The following KIAA2012 variants were observed in gnomAD, a reference collection of about 807,000 sequenced individuals.
KIAA2012 encodes the protein uncharacterized protein KIAA2012.
In KIAA2012, 125 loss-of-function variants were observed where a neutral mutation model predicts 150.6. The observed-to-expected ratio is 0.83, with a 90% CI of 0.72 to 0.96. KIAA2012 has a LOEUF of 0.96. Ranked by LOEUF, KIAA2012 falls within the 40% of genes least tolerant of loss-of-function variation. The pLI is 0.00. For missense variants in KIAA2012, 1,219 were observed against 1,354.9 expected (o/e 0.90, Z 1.57); for synonymous variants, 462 against 504.7 (o/e 0.92, Z 1.13).
intron 12 of KIAA2012, among the ~76,000 whole-genome samples, chr2:202,130,468 G>A (rs1035405533): frequency 3.9e-5 from 4 of 102,152 alleles, no homozygotes; most frequent in Non-Finnish European, 2.2e-5. Flanking sequence ...TTGTGTGTGA[G>A]TTATATTTCT....
At chr2:202,123,536 G>A (rs780488232) in intron 11 of KIAA2012, among the ~76,000 whole-genome samples, 12 of 152,138 alleles carry the variant, frequency 7.9e-5, no homozygotes, top group East Asian at 5.8e-4. Context: ...CTATCGGTGC[G>A]CACGTGACCG....
chr2:202,093,295 A>C (rs1321845226), intron 4 of KIAA2012, 110 bp downstream of exon 4: 1 of 1,132,308 alleles, frequency 8.8e-7, no homozygotes, highest in African/African-American at 1.5e-5. Context: ...TGGGTTGCAT[A>C]GTCCTCAATC....
At position 202,154,797 on chromosome 2, in the gene KIAA2012, C is replaced by T. The variant is rs1415785398; in HGVS notation, c.2033C>T (p.Thr678Met). The change falls in exon 14 of 24, where the codon ACG becomes ATG. Residue 678 changes from threonine (T) to methionine (M), a missense_variant. By Grantham distance (81) the Thr-to-Met change is moderately conservative (BLOSUM62 -1). Coordinates refer to ENST00000498697, the MANE Select transcript of KIAA2012 (RefSeq NM_001277372.4). ...ACGCGCAAGCTGCACATCGACATGA[C>T]GCCGTTCCTGAAGGTGATCTCACAC... ...FYTRKLHIDMTPFLKESGNAL... is the reference protein window; with the variant it reads ...FYTRKLHIDMMPFLKESGNAL... 1.6e-5 allele frequency: 24 copies of T among 1,546,414 alleles called. No individual in the cohort carries two copies. Among genetic ancestry groups the T allele is most frequent in the Non-Finnish European group, 2.0e-5 (23 of 1,145,980 alleles).
In KIAA2012 at chr2:202,203,468, T is replaced by C. The variant is rs1692568694; in HGVS notation, c.*20+881T>C. Reference sequence around the variant, plus strand: ...AGGCCATTCTCACATCCTCGAAGTATAGATTCTAGAGCTGCACTGCTGAGT... The same window carrying C: ...AGGCCATTCTCACATCCTCGAAGTACAGATTCTAGAGCTGCACTGCTGAGT... On this transcript the variant is annotated intron_variant, in intron 23 of 23. Transcript: ENST00000498697. 2.6e-5 allele frequency among the ~76,000 whole-genome samples: 4 copies of C among 152,344 alleles called. 1 individual carries two copies. In the South Asian group the frequency reaches 8.3e-4, roughly 32 times the overall value.
chr2:202,172,323 G>A (rs1455715816), intron 15 of KIAA2012, among the ~76,000 whole-genome samples: 1 of 152,222 alleles, frequency 6.6e-6, no homozygotes, highest in Non-Finnish European at 1.5e-5. Flanking sequence ...ATGAACCCAG[G>A]TTTCTATGAC....
intron 21 of KIAA2012, 100 bp from the exon 22 acceptor site, chr2:202,196,700 A>T (rs2105752831): frequency 1.4e-6 from 2 of 1,459,304 alleles, no homozygotes; most frequent in African/African-American, 1.4e-5. Flanking sequence ...AAAATTTCTC[A>T]CGGGGAGTCC....
chr2:202,196,119 T>G (rs1285969791), intron 21 of KIAA2012, among the ~76,000 whole-genome samples: 1 of 151,630 alleles, frequency 6.6e-6, no homozygotes, highest in Admixed American at 6.6e-5. Context: ...CTGTGGCTAC[T>G]TCCTGGTTCT....
rs2105742019 is a variant in KIAA2012 at position 202,184,786 on chromosome 2, C to T, written c.2153C>T (p.Pro718Leu). 1 of 1,549,038 alleles carries T rather than the reference C, an allele frequency of 6.5e-7. No individual in the cohort carries two copies. The highest frequency in any genetic ancestry group is 2.5e-5 in the East Asian group (1 of 40,764). The change falls in exon 16 of 24, where the codon CCC becomes CTC. Residue 718 changes from proline to leucine, a missense_variant. Physicochemically the swap from Pro to Leu is moderately conservative, Grantham distance 98. Transcript: ENST00000498697. ...PEPRSMTLDS[P>L]RASRTEHIQT... ...CCAAGGAGTATGACCCTTGACTCTCCCAGGGCTTCCCGGACTGAGCACATC... is the reference window on the plus strand; with the variant it reads ...CCAAGGAGTATGACCCTTGACTCTCTCAGGGCTTCCCGGACTGAGCACATC...
At chr2:202,185,956 C>T (rs551204604) in intron 16 of KIAA2012, among the ~76,000 whole-genome samples, 64 of 152,098 alleles carry the variant, frequency 4.2e-4, no homozygotes, top group African/African-American at 1.5e-3. Flanking sequence ...AGTAAGGCCC[C>T]GTGCTAGCAG....
rs187450983 is a variant in KIAA2012, at chr2:202,193,032, G to C, written c.2812-269G>C. ...CACTTTCATTATTTCAGCTAATCCTGGCAACAGTACCATGAGGAAGACAAT... is the reference window on the plus strand; with the variant it reads ...CACTTTCATTATTTCAGCTAATCCTCGCAACAGTACCATGAGGAAGACAAT... On this transcript the variant is annotated intron_variant, in intron 19 of 23. Coordinates refer to ENST00000498697, the MANE Select transcript of KIAA2012 (RefSeq NM_001277372.4). Among the ~76,000 whole-genome samples, 310 of 152,250 alleles carry C rather than the reference G, an allele frequency of 2.0e-3. 2 individuals are homozygous for C. The highest frequency in any genetic ancestry group is 7.4e-3 in the African/African-American group (306 of 41,540).
chr2:202,136,006 AAT>A (rs1559216597), intron 12 of KIAA2012: 13 of 322,452 alleles, frequency 4.0e-5, no homozygotes, highest in East Asian at 1.9e-4. Flanking sequence ...AAAAAAAAAA[AAT>A]TTTTTTTGAA....
At chr2:202,157,469 T>C (rs1691553874) in intron 14 of KIAA2012, among the ~76,000 whole-genome samples, 1 of 152,062 alleles carries the variant, frequency 6.6e-6, no homozygotes, top group South Asian at 2.1e-4. Flanking sequence ...GGGATGAGGG[T>C]AGGTGATAAG....
chr2:202,090,831 C>T lies in KIAA2012; in HGVS notation c.431C>T (p.Ala144Val), dbSNP rs781192507. 1.8e-5 allele frequency: 28 copies of T among 1,550,490 alleles called. No homozygotes were observed. Among genetic ancestry groups the T allele is most frequent in the Middle Eastern group, 1.7e-4 (1 of 6,012 alleles). ...LHFRSQLESQ[A>V]QRQIQPGHSA... is the part of the protein sequence containing the mutation. Reference sequence around the variant, plus strand: ...TTCCGAAGCCAGCTGGAGAGCCAGGCCCAACGGCAGATCCAGCCAGGGCAT... The same window carrying T: ...TTCCGAAGCCAGCTGGAGAGCCAGGTCCAACGGCAGATCCAGCCAGGGCAT... The change falls in exon 3 of 24, where the codon GCC becomes GTC. Residue 144 changes from alanine (A) to valine (V), a missense_variant. By Grantham distance (64) the Ala-to-Val change is moderately conservative. Transcript: ENST00000498697.
At chr2:202,101,998 GC>G (rs1690055035) in intron 7 of KIAA2012, among the ~76,000 whole-genome samples, 1 of 152,082 alleles carries the variant, frequency 6.6e-6, no homozygotes, top group African/African-American at 2.4e-5. Context: ...CAGGCCTAAT[GC>G]TTTTATTTTT....
At chr2:202,096,060 G>GT (rs1156378020) in intron 4 of KIAA2012, among the ~76,000 whole-genome samples, 11 of 151,944 alleles carry the variant, frequency 7.2e-5, no homozygotes, top group Non-Finnish European at 1.0e-4. Flanking sequence ...CTCCAGCCTG[G>GT]GCAACAGAGT....
rs1364389829 is a variant in KIAA2012 at position 202,108,340 on chromosome 2, A to G, written c.1475-1273A>G. Among the ~76,000 whole-genome samples the G allele has an allele frequency of 2.0e-5, 3 of 152,224 alleles. No individual in the cohort carries two copies. The East Asian group carries it at 5.8e-4, about 29-fold the overall frequency. On this transcript the variant is annotated intron_variant, in intron 9 of 23. Transcript: ENST00000498697. ...TTCTCCCTCCTAGCCACATACAATTACCACACTCAAGAAAGCAAACACTGG... is the reference window on the plus strand; with the variant it reads ...TTCTCCCTCCTAGCCACATACAATTGCCACACTCAAGAAAGCAAACACTGG...
At chr2:202,131,130 G>A (rs976284397) in intron 12 of KIAA2012, among the ~76,000 whole-genome samples, 6 of 152,032 alleles carry the variant, frequency 3.9e-5, no homozygotes, top group African/African-American at 7.2e-5. Flanking sequence ...AAGAATCTGT[G>A]AGTATGTTTT....
intron 10 of KIAA2012, among the ~76,000 whole-genome samples, chr2:202,110,440 C>G (rs1041509119): frequency 2.6e-5 from 4 of 152,212 alleles, no homozygotes; most frequent in African/African-American, 9.6e-5. Flanking sequence ...CAAGTTACCC[C>G]TGAAAAATCC....
chr2:202,204,972 A>C (rs1371614315), intron 23 of KIAA2012, 26 bp from the exon 24 acceptor site: 1 of 152,220 alleles, frequency 6.6e-6, no homozygotes, highest in African/African-American at 2.4e-5. Flanking sequence ...ACCATTGCTG[A>C]CTTTATTTTC....
Sources: allele counts gnomAD v4.1 joint callset (sites outside exome capture counted in the v4.1 genomes callset), GRCh38; gene constraint gnomAD v4.1.1; transcripts MANE v1.5; gene names NCBI Gene and HGNC (gene_info 2026-07-23, HGNC 2026-07-21).